The following NWD2 variants were observed in gnomAD, a reference collection of about 807,000 sequenced individuals.
The protein encoded by NWD2 is NACHT and WD repeat domain-containing protein 2.
In NWD2, 37 loss-of-function variants were observed where a neutral mutation model predicts 132.7. The observed-to-expected ratio is 0.28, with a 90% confidence interval of 0.21 to 0.37. NWD2 has a LOEUF of 0.37. Ranked by LOEUF, NWD2 falls within the 10% of genes least tolerant of loss-of-function variation. The pLI, the probability that NWD2 is intolerant of heterozygous loss-of-function variation, is 1.00. For synonymous variants in NWD2, 705 were observed against 803.0 expected (o/e 0.88, Z 2.06); for missense variants, 1,592 against 2,122.4 (o/e 0.75, Z 4.91).
chr4:37,279,311 C>CA (rs35900167), intron 1 of NWD2, among the ~76,000 whole-genome samples: 2 of 151,976 alleles, frequency 1.3e-5, no homozygotes, highest in South Asian at 2.1e-4. Context: ...TTTGGAACAA[C>CA]AAAAAAGTAT....
chr4:37,330,563 G>A (rs928916951), intron 2 of NWD2, among the ~76,000 whole-genome samples: 2 of 152,160 alleles, frequency 1.3e-5, no homozygotes, highest in African/African-American at 4.8e-5. Context: ...CCCCATTGCC[G>A]AGGTCCTGGT....
At chr4:37,417,418 C>T (rs114952920) in intron 3 of NWD2, among the ~76,000 whole-genome samples, 5,376 of 151,816 alleles carry the variant, frequency 0.035, 113 homozygotes, top group Middle Eastern at 0.061. Flanking sequence ...AAATAAAAAA[C>T]ATATAGAGGT....
At chr4:37,400,468 C>G (rs1445127780) in intron 3 of NWD2, among the ~76,000 whole-genome samples, 2 of 152,156 alleles carry the variant, frequency 1.3e-5, no homozygotes, top group South Asian at 2.1e-4. Context: ...AGAGAGTTCC[C>G]TCTCATCATC....
intron 1 of NWD2, among the ~76,000 whole-genome samples, chr4:37,269,554 C>T (rs533711100): frequency 6.6e-6 from 1 of 151,818 alleles, no homozygotes; most frequent in South Asian, 2.1e-4. Context: ...TTTCTCTCAC[C>T]GTTGATAGTT....
intron 2 of NWD2, among the ~76,000 whole-genome samples, chr4:37,341,714 G>C (rs1719528942): frequency 6.6e-6 from 1 of 152,128 alleles, no homozygotes; most frequent in Admixed American, 6.6e-5. Flanking sequence ...CTTTGGACAA[G>C]TTACTTAACT....
intron 3 of NWD2, among the ~76,000 whole-genome samples, chr4:37,426,097 G>A (rs1017299435): frequency 1.3e-5 from 2 of 152,200 alleles, no homozygotes; most frequent in African/African-American, 4.8e-5. Flanking sequence ...TTTGTGCATT[G>A]CCTTATTTGT....
At chr4:37,417,469 A>C (rs576502385) in intron 3 of NWD2, among the ~76,000 whole-genome samples, 2 of 152,328 alleles carry the variant, frequency 1.3e-5, no homozygotes, top group East Asian at 3.9e-4. Context: ...CTAATGGGGT[A>C]TATAACAAAT....
At chr4:37,318,200 T>A (rs527354232) in intron 1 of NWD2, among the ~76,000 whole-genome samples, 1 of 151,802 alleles carries the variant, frequency 6.6e-6, no homozygotes, top group Admixed American at 6.6e-5. Flanking sequence ...AATTTTTGTA[T>A]TTTTTTAGTA....
chr4:37,329,227 G>A (rs1221608304), intron 2 of NWD2, among the ~76,000 whole-genome samples: 1 of 152,088 alleles, frequency 6.6e-6, no homozygotes, highest in East Asian at 1.9e-4. Flanking sequence ...TGACCACATG[G>A]CAACCAACAT....
At chr4:37,323,713 A>G (rs1282265716) in intron 1 of NWD2, among the ~76,000 whole-genome samples, 7 of 152,226 alleles carry the variant, frequency 4.6e-5, no homozygotes, top group Non-Finnish European at 1.0e-4. Flanking sequence ...GAAATAGATC[A>G]TTATACCAAA....
chr4:37,366,225 C>G (rs1720095865), intron 3 of NWD2, among the ~76,000 whole-genome samples: 1 of 152,078 alleles, frequency 6.6e-6, no homozygotes, highest in Non-Finnish European at 1.5e-5. Flanking sequence ...GTACAGGAGA[C>G]AAAGTCCACT....
intron 2 of NWD2, among the ~76,000 whole-genome samples, chr4:37,327,945 C>T (rs866989163): frequency 6.6e-6 from 1 of 152,070 alleles, no homozygotes; most frequent in East Asian, 1.9e-4. Flanking sequence ...CTTGCCTTTG[C>T]TCATGCCATT....
chr4:37,425,031 G>A (rs1035081057), intron 3 of NWD2, among the ~76,000 whole-genome samples: 3 of 152,172 alleles, frequency 2.0e-5, no homozygotes, highest in Admixed American at 6.5e-5. Context: ...GAAAGCAGTG[G>A]CTTAGATGTA....
intron 3 of NWD2, among the ~76,000 whole-genome samples, chr4:37,414,594 T>G (rs748685812): frequency 6.6e-6 from 1 of 152,214 alleles, no homozygotes; most frequent in African/African-American, 2.4e-5. Context: ...TTATTTAATG[T>G]ACACTTCTAT....
intron 2 of NWD2, among the ~76,000 whole-genome samples, chr4:37,333,678 C>T (rs1719339009): frequency 6.6e-6 from 1 of 152,044 alleles, no homozygotes; most frequent in Non-Finnish European, 1.5e-5. Flanking sequence ...CAGACACCAA[C>T]AAATATCAAG....
intron 1 of NWD2, among the ~76,000 whole-genome samples, chr4:37,292,340 C>A (rs1231689270): frequency 6.6e-6 from 1 of 151,958 alleles, no homozygotes; most frequent in Non-Finnish European, 1.5e-5. Flanking sequence ...GGATTAGTGA[C>A]CTTATGAAAA....
intron 1 of NWD2, among the ~76,000 whole-genome samples, chr4:37,323,756 C>T (rs1719115004): frequency 6.6e-6 from 1 of 151,846 alleles, no homozygotes; most frequent in South Asian, 2.1e-4. Flanking sequence ...CATTGCTGCA[C>T]TGTTCACAAT....
chr4:37,302,306 G>A (rs942213140), intron 1 of NWD2, among the ~76,000 whole-genome samples: 11 of 147,834 alleles, frequency 7.4e-5, no homozygotes, highest in South Asian at 2.3e-4. Context: ...CATTTTGATG[G>A]CCAAATAGTA....
chr4:37,334,835 T>TA (rs1719366699), intron 2 of NWD2, among the ~76,000 whole-genome samples: 1 of 152,154 alleles, frequency 6.6e-6, no homozygotes, highest in African/African-American at 2.4e-5. Flanking sequence ...ACAAAGTTCA[T>TA]AAACCTCCTT....
Sources: allele counts gnomAD v4.1 joint callset (sites outside exome capture counted in the v4.1 genomes callset), GRCh38; gene constraint gnomAD v4.1.1; transcripts MANE v1.5; gene names NCBI Gene and HGNC (gene_info 2026-07-23, HGNC 2026-07-21).